Variants in ZNF626 observed in about 807,000 individuals in gnomAD.
ZNF626 encodes zinc finger protein 626.
In ZNF626, 4 loss-of-function variants were observed where a neutral mutation model predicts 11.7. That is an observed-to-expected ratio of 0.34 (90% CI 0.17 to 0.78). The LOEUF is 0.78. Ranked by LOEUF, ZNF626 falls within the 30% of genes least tolerant of loss-of-function variation. The probability of loss-of-function intolerance (pLI) is 0.57; values close to 1 mark genes in which losing one functional copy is unlikely to be tolerated. For missense variants in ZNF626, 588 were observed against 587.1 expected (o/e 1.00, Z -0.01); for synonymous variants, 179 against 198.6 (o/e 0.90, Z 0.83).
At chr19:20,642,109 A>G (rs1555771525) in intron 3 of ZNF626, among the ~76,000 whole-genome samples, 2 of 152,194 alleles carry the variant, frequency 1.3e-5, no homozygotes, top group Non-Finnish European at 1.5e-5. Flanking sequence ...AGCTAAGAAT[A>G]TAAGATAAGC....
chr19:20,629,618 A>C (rs1213885465), intron 3 of ZNF626, among the ~76,000 whole-genome samples: 1 of 152,196 alleles, frequency 6.6e-6, no homozygotes, highest in African/African-American at 2.4e-5. Flanking sequence ...TGATTTTTGT[A>C]CATTGATTTT....
intron 1 of ZNF626, among the ~76,000 whole-genome samples, chr19:20,648,082 G>A (rs1398684729): frequency 6.6e-6 from 1 of 151,206 alleles, no homozygotes; most frequent in Non-Finnish European, 1.5e-5. Context: ...AGCATGCTAA[G>A]GCAGAATTGC....
At chr19:20,640,177 A>G (rs926772540) in intron 3 of ZNF626, among the ~76,000 whole-genome samples, 1 of 142,116 alleles carries the variant, frequency 7.0e-6, no homozygotes, top group African/African-American at 2.8e-5. Context: ...TATTTTTAAT[A>G]AAATATTATT....
chr19:20,636,733 A>G (rs1555770928), intron 3 of ZNF626, among the ~76,000 whole-genome samples: 3 of 152,204 alleles, frequency 2.0e-5, no homozygotes, highest in Admixed American at 6.5e-5. Context: ...AAGATATAAT[A>G]TACAGGGTTG....
At chr19:20,628,290 T>C (rs1969863889) in intron 3 of ZNF626, among the ~76,000 whole-genome samples, 1 of 152,316 alleles carries the variant, frequency 6.6e-6, no homozygotes, top group South Asian at 2.1e-4. Flanking sequence ...TTTGGGTATA[T>C]ACCCAGTAAT....
chr19:20,652,831 T>C (rs1390670673), intron 1 of ZNF626, among the ~76,000 whole-genome samples: 1 of 152,194 alleles, frequency 6.6e-6, no homozygotes, highest in Non-Finnish European at 1.5e-5. Context: ...TGCACATTTG[T>C]GAGCTTTTTA....
intron 3 of ZNF626, among the ~76,000 whole-genome samples, chr19:20,638,813 T>A (rs1465047786): frequency 1.3e-5 from 2 of 151,974 alleles, no homozygotes; most frequent in African/African-American, 2.4e-5. Flanking sequence ...AAGGAAGACA[T>A]ACATAGCAAC....
chr19:20,641,599 GTTTAT>G (rs1358538501), intron 3 of ZNF626, among the ~76,000 whole-genome samples: 3 of 152,128 alleles, frequency 2.0e-5, no homozygotes, highest in African/African-American at 7.2e-5. Flanking sequence ...TGAACAGCTT[GTTTAT>G]TTTGAGACAG....
intron 1 of ZNF626, among the ~76,000 whole-genome samples, chr19:20,649,497 A>G (rs1487972406): frequency 3.9e-5 from 6 of 152,038 alleles, no homozygotes; most frequent in African/African-American, 1.4e-4. Flanking sequence ...GTGGAACTTA[A>G]CTCTCATGAA....
At chr19:20,655,106 T>C (rs1232181665) in intron 1 of ZNF626, among the ~76,000 whole-genome samples, 1 of 104,648 alleles carries the variant, frequency 9.6e-6, no homozygotes, top group African/African-American at 6.8e-5. Flanking sequence ...AGTGAGACTG[T>C]CTCAAAAAAA....
intron 3 of ZNF626, among the ~76,000 whole-genome samples, chr19:20,627,584 T>A (rs1168886000): frequency 5.3e-5 from 8 of 152,020 alleles, no homozygotes; most frequent in Admixed American, 5.2e-4. Flanking sequence ...TAAGTTTTTC[T>A]CTTTCAGAAA....
At chr19:20,643,812 C>T (rs1361531589) in intron 3 of ZNF626, among the ~76,000 whole-genome samples, 17 of 152,154 alleles carry the variant, frequency 1.1e-4, no homozygotes, top group Admixed American at 9.2e-4. Context: ...TGTAGCAAGA[C>T]GTCATCTCCA....
At chr19:20,626,709 C>T (rs1969838051) in intron 3 of ZNF626, among the ~76,000 whole-genome samples, 1 of 151,946 alleles carries the variant, frequency 6.6e-6, no homozygotes, top group Non-Finnish European at 1.5e-5. Context: ...GATGACAGAG[C>T]AAGACTGTCT....
chr19:20,626,543 C>T (rs1568454679), intron 3 of ZNF626, among the ~76,000 whole-genome samples: 1 of 150,552 alleles, frequency 6.6e-6, no homozygotes, highest in Non-Finnish European at 1.5e-5. Context: ...CATGGTGAAA[C>T]CCTGTATCTA....
rs543453488 is a variant in ZNF626, at chr19:20,624,885, T to C, written c.992A>G (p.His331Arg). Residue 331 changes from histidine (H) to arginine (R), a missense_variant, in exon 4 of 4, where the codon CAT becomes CGT. By Grantham distance (29) the His-to-Arg change is conservative. This residue lies in a region of ZNF626 where 524 missense variants were observed against 470.1 expected (regional missense o/e 1.11). Transcript: ENST00000601440. Reference sequence around the variant, plus strand: ...TTTGTCTTCAGTATGAATTCTTTTATGTGTAGTAAGGGTATAGGAGTACTT... The same window carrying C: ...TTTGTCTTCAGTATGAATTCTTTTACGTGTAGTAAGGGTATAGGAGTACTT... Reference protein sequence around the residue: ...AFKYSYTLTTHKRIHTEDKPY... With the variant: ...AFKYSYTLTTRKRIHTEDKPY... The C allele has an allele frequency of 1.9e-6, 3 of 1,613,970 alleles. No homozygotes were observed. Among genetic ancestry groups the C allele is most frequent in the African/African-American group, 1.3e-5 (1 of 75,046 alleles).
At chr19:20,651,431 A>G (rs930806639) in intron 1 of ZNF626, among the ~76,000 whole-genome samples, 1 of 151,780 alleles carries the variant, frequency 6.6e-6, no homozygotes, top group Non-Finnish European at 1.5e-5. Context: ...GGTCATATGA[A>G]ATGGAAGCTA....
chr19:20,637,717 C>T (rs1261898352), intron 3 of ZNF626, among the ~76,000 whole-genome samples: 3 of 150,848 alleles, frequency 2.0e-5, no homozygotes, highest in East Asian at 1.9e-4. Flanking sequence ...ATAATGCATG[C>T]CAGTACAAAA....
chr19:20,649,498 C>G (rs1256726636), intron 1 of ZNF626, among the ~76,000 whole-genome samples: 6 of 152,068 alleles, frequency 3.9e-5, no homozygotes, highest in African/African-American at 1.4e-4. Context: ...TGGAACTTAA[C>G]TCTCATGAAT....
At chr19:20,627,203 A>T (rs8101362) in intron 3 of ZNF626, among the ~76,000 whole-genome samples, 2 of 152,058 alleles carry the variant, frequency 1.3e-5, no homozygotes, top group Non-Finnish European at 2.9e-5. Context: ...AACATGAAAA[A>T]GCTGAAGAAA....
Sources: gnomAD v4.1 joint callset for allele counts (sites outside exome capture counted in the v4.1 genomes callset) on GRCh38, gnomAD v4.1.1 for gene constraint, gnomAD v4.1.1 regional missense constraint, MANE v1.5 for transcripts, NCBI Gene and HGNC (gene_info 2026-07-23, HGNC 2026-07-21) for gene names.